Variants in CNTNAP2 observed in about 807,000 individuals in gnomAD.
CNTNAP2 encodes contactin associated protein 2.
In CNTNAP2, 98 loss-of-function variants were observed where a neutral mutation model predicts 155.2. The ratio of observed to expected loss-of-function variants is 0.63; its 90% CI spans 0.54 to 0.75. The LOEUF (loss-of-function observed/expected upper bound fraction) is 0.75. Among genes scored for constraint, CNTNAP2 ranks in the 30% least tolerant of loss-of-function variants. The pLI is 0.00. For missense variants in CNTNAP2, 1,727 were observed against 1,688.1 expected, an observed-to-expected ratio of 1.02 and a Z score of -0.40; for synonymous variants, 651 against 631.2, an observed-to-expected ratio of 1.03 and a Z score of -0.47.
At chr7:147,799,593 A>G (rs1335404744) in intron 13 of CNTNAP2, among the ~76,000 whole-genome samples, 1 of 152,232 alleles carries the variant, frequency 6.6e-6, no homozygotes, top group Non-Finnish European at 1.5e-5. Flanking sequence ...TTCCAAAAAG[A>G]CTTTACCAAA....
intron 9 of CNTNAP2, among the ~76,000 whole-genome samples, chr7:147,317,043 G>A (rs576892666): frequency 2.8e-4 from 43 of 152,212 alleles, no homozygotes; most frequent in African/African-American, 1.0e-3. Context: ...TTATCTTAAT[G>A]CAACAAATCC....
At chr7:148,268,841 C>T (rs1212249601) in intron 21 of CNTNAP2, among the ~76,000 whole-genome samples, 1 of 151,890 alleles carries the variant, frequency 6.6e-6, no homozygotes, top group Non-Finnish European at 1.5e-5. Flanking sequence ...AACCGGGCCA[C>T]CTGGCTAATC....
intron 3 of CNTNAP2, among the ~76,000 whole-genome samples, chr7:146,914,293 T>C (rs956227297): frequency 2.6e-5 from 4 of 151,986 alleles, no homozygotes; most frequent in African/African-American, 7.2e-5. Flanking sequence ...TGATTTTTTT[T>C]CCCTCTGGGT....
intron 3 of CNTNAP2, among the ~76,000 whole-genome samples, chr7:146,976,908 A>T (rs948115279): frequency 1.3e-5 from 2 of 152,142 alleles, no homozygotes; most frequent in African/African-American, 4.8e-5. Context: ...GGGGCCTATG[A>T]ACAACAATCA....
At chr7:148,268,408 C>T (rs1423837361) in intron 21 of CNTNAP2, among the ~76,000 whole-genome samples, 1 of 151,988 alleles carries the variant, frequency 6.6e-6, no homozygotes, top group Non-Finnish European at 1.5e-5. Flanking sequence ...AATCCCAGCA[C>T]TTTGGGAGGC....
intron 15 of CNTNAP2, among the ~76,000 whole-genome samples, chr7:148,030,862 T>A (rs761438182): frequency 6.6e-6 from 1 of 152,148 alleles, no homozygotes; most frequent in Non-Finnish European, 1.5e-5. Flanking sequence ...CAGTTTCATC[T>A]GAGTCAGGAG....
chr7:148,089,484 T>C, intron 15 of CNTNAP2, among the ~76,000 whole-genome samples: 1 of 151,628 alleles, frequency 6.6e-6, no homozygotes, highest in South Asian at 2.1e-4. Flanking sequence ...CATACAAAAA[T>C]CAACAGCATT....
chr7:147,482,748 A>G (rs202245905), intron 10 of CNTNAP2, among the ~76,000 whole-genome samples: 3 of 148,884 alleles, frequency 2.0e-5, no homozygotes, highest in Non-Finnish European at 4.5e-5. Flanking sequence ...ATAAATAAAT[A>G]AATAAATAAA....
At chr7:148,368,743 T>C (rs1798829653) in intron 21 of CNTNAP2, among the ~76,000 whole-genome samples, 3 of 152,044 alleles carry the variant, frequency 2.0e-5, no homozygotes, top group African/African-American at 7.3e-5. Context: ...GGGGGTTCCG[T>C]GTGAGAGGGT....
intron 13 of CNTNAP2, among the ~76,000 whole-genome samples, chr7:147,770,224 G>A (rs922559373): frequency 1.6e-4 from 24 of 152,306 alleles, no homozygotes; most frequent in Middle Eastern, 6.8e-3. Context: ...TTGATTACAC[G>A]TGATCTATGA....
intron 1 of CNTNAP2, among the ~76,000 whole-genome samples, chr7:146,753,472 A>G (rs534528990): frequency 1.3e-5 from 2 of 152,160 alleles, no homozygotes; most frequent in South Asian, 4.2e-4. Flanking sequence ...TGTGTATGAA[A>G]GTTTAGATGA....
At chr7:147,340,049 G>T (rs564706896) in intron 9 of CNTNAP2, among the ~76,000 whole-genome samples, 6 of 152,218 alleles carry the variant, frequency 3.9e-5, no homozygotes, top group African/African-American at 1.2e-4. Context: ...GACACATTCT[G>T]ATTCCACCCT....
intron 8 of CNTNAP2, 63 bp downstream of exon 8, chr7:147,132,572 T>G: frequency 6.2e-7 from 1 of 1,605,414 alleles, no homozygotes; most frequent in Non-Finnish European, 8.5e-7. Flanking sequence ...GTTAATGTTG[T>G]GCTTTGTTTG....
chr7:147,911,356 G>A (rs2710121), intron 14 of CNTNAP2, among the ~76,000 whole-genome samples: 88,412 of 151,952 alleles, frequency 0.58, 26,294 homozygotes, highest in Middle Eastern at 0.73. Flanking sequence ...CAGATGTTAC[G>A]GTCATTTGAT....
intron 21 of CNTNAP2, among the ~76,000 whole-genome samples, chr7:148,337,561 T>C (rs543631934): frequency 6.6e-6 from 1 of 152,354 alleles, no homozygotes; most frequent in Non-Finnish European, 1.5e-5. Flanking sequence ...CATTTCCCTC[T>C]GCTACTTTGT....
intron 8 of CNTNAP2, among the ~76,000 whole-genome samples, chr7:147,173,310 C>T (rs971239615): frequency 1.3e-5 from 2 of 151,974 alleles, no homozygotes; most frequent in African/African-American, 4.8e-5. Flanking sequence ...AATCCTTTCT[C>T]CTGTCTCCTC....
chr7:146,416,808 C>T (rs1056629348), intron 1 of CNTNAP2, among the ~76,000 whole-genome samples: 2 of 152,004 alleles, frequency 1.3e-5, no homozygotes, highest in East Asian at 1.9e-4. Flanking sequence ...TTTCATTTAC[C>T]ACTTATATTT....
At chr7:147,649,554 C>G (rs1795418604) in intron 13 of CNTNAP2, among the ~76,000 whole-genome samples, 1 of 151,942 alleles carries the variant, frequency 6.6e-6, no homozygotes, top group Non-Finnish European at 1.5e-5. Flanking sequence ...GAAATTACAC[C>G]AAAGCTGAAT....
intron 1 of CNTNAP2, among the ~76,000 whole-genome samples, chr7:146,271,928 G>T (rs1363205722): frequency 2.0e-5 from 3 of 152,100 alleles, no homozygotes; most frequent in Non-Finnish European, 2.9e-5. Context: ...AAGGCTCAAA[G>T]AACTTGTATT....
Sources: gnomAD v4.1 joint callset for allele counts (sites outside exome capture counted in the v4.1 genomes callset) on GRCh38, gnomAD v4.1.1 for gene constraint, MANE v1.5 for transcripts, NCBI Gene and HGNC (gene_info 2026-07-23, HGNC 2026-07-21) for gene names.